The following NRXN1 variants were observed in gnomAD, a reference collection of about 807,000 sequenced individuals.
The protein encoded by NRXN1 is neurexin-1.
In NRXN1, 39 loss-of-function variants were observed where a neutral mutation model predicts 150.9. The ratio of observed to expected loss-of-function variants is 0.26; its 90% CI spans 0.20 to 0.34. The LOEUF (loss-of-function observed/expected upper bound fraction) is 0.34, where lower values mean the gene tolerates loss of function less well. Ranked by LOEUF, NRXN1 falls within the 10% of genes least tolerant of loss-of-function variation. The pLI, the probability that NRXN1 is intolerant of heterozygous loss-of-function variation, is 1.00. For synonymous variants in NRXN1, 924 were observed against 757.0 expected, an observed-to-expected ratio of 1.22 and a Z score of -3.62; for missense variants, 1,815 against 1,949.9, an observed-to-expected ratio of 0.93 and a Z score of 1.30.
intron 18 of NRXN1, among the ~76,000 whole-genome samples, chr2:50,155,456 G>A (rs10207450): frequency 0.13 from 19,418 of 150,830 alleles, 1,340 homozygotes; most frequent in East Asian, 0.18. Flanking sequence ...AAGGAGGGAC[G>A]AATTATGATA....
At chr2:50,228,222 T>C (rs1043402651) in intron 18 of NRXN1, among the ~76,000 whole-genome samples, 1 of 152,090 alleles carries the variant, frequency 6.6e-6, no homozygotes, top group African/African-American at 2.4e-5. Flanking sequence ...CATATTGAGT[T>C]AAAATATATT....
At chr2:50,448,857 C>T (rs1392803846) in intron 17 of NRXN1, among the ~76,000 whole-genome samples, 1 of 152,008 alleles carries the variant, frequency 6.6e-6, no homozygotes, top group Non-Finnish European at 1.5e-5. Flanking sequence ...GCAATTCTAA[C>T]ACTAAAATAT....
intron 5 of NRXN1, among the ~76,000 whole-genome samples, chr2:50,902,367 C>A: frequency 6.7e-6 from 1 of 150,282 alleles, no homozygotes; most frequent in South Asian, 2.1e-4. Context: ...AGAACAAAAA[C>A]AAGTTTTCTC....
chr2:50,944,553 A>T (rs1051607781), intron 2 of NRXN1, among the ~76,000 whole-genome samples: 1 of 152,206 alleles, frequency 6.6e-6, no homozygotes, highest in Non-Finnish European at 1.5e-5. Flanking sequence ...ACAGGATAAA[A>T]ATAACTTAAA....
At chr2:50,940,031 T>G (rs1038933059) in intron 2 of NRXN1, among the ~76,000 whole-genome samples, 3 of 152,238 alleles carry the variant, frequency 2.0e-5, no homozygotes, top group African/African-American at 7.2e-5. Flanking sequence ...ATACTAGTCC[T>G]GACTTTAAAT....
At chr2:50,849,751 C>T (rs1159357590) in intron 5 of NRXN1, among the ~76,000 whole-genome samples, 2 of 152,016 alleles carry the variant, frequency 1.3e-5, no homozygotes, top group Non-Finnish European at 2.9e-5. Context: ...TTTCTTAGAC[C>T]GGAATATAAG....
rs80341885 is a variant in NRXN1, at chr2:50,639,991, C to A, written c.833-16376G>T. Among the ~76,000 whole-genome samples the A allele has an allele frequency of 6.5e-3, 982 of 152,132 alleles. 4 individuals are homozygous for A. Among genetic ancestry groups the A allele is most frequent in the Non-Finnish European group, 9.7e-3 (662 of 68,014 alleles). On this transcript the variant is annotated intron_variant, in intron 5 of 22. Transcript: ENST00000401669. ...TTTGTAATAAAAATTACATTAAATA[C>A]ACATCACAATCTTGACGAGAAGTTA...
At chr2:50,423,668 C>T (rs1405603892) in intron 17 of NRXN1, among the ~76,000 whole-genome samples, 1 of 151,542 alleles carries the variant, frequency 6.6e-6, no homozygotes, top group Non-Finnish European at 1.5e-5. Context: ...GGCAGATAAC[C>T]CACCCACCAA....
chr2:50,336,025 G>A (rs75279530), intron 17 of NRXN1, among the ~76,000 whole-genome samples: 2,832 of 152,114 alleles, frequency 0.019, 100 homozygotes, highest in African/African-American at 0.065. Context: ...CAGTCCTACA[G>A]AGGCCCTATT....
chr2:50,803,171 T>C (rs1707849224), intron 5 of NRXN1, among the ~76,000 whole-genome samples: 1 of 152,214 alleles, frequency 6.6e-6, no homozygotes, highest in South Asian at 2.1e-4. Context: ...AGCACTCATT[T>C]CTGCTGATTT....
intron 17 of NRXN1, among the ~76,000 whole-genome samples, chr2:50,252,233 C>CTTT (rs55993018): frequency 2.5e-4 from 24 of 94,916 alleles, no homozygotes; most frequent in East Asian, 3.3e-4. Context: ...ACATTTTGTC[C>CTTT]TTTTTTTTTT....
intron 18 of NRXN1, among the ~76,000 whole-genome samples, chr2:50,162,019 G>T (rs1359846748): frequency 3.3e-5 from 5 of 152,102 alleles, no homozygotes; most frequent in African/African-American, 1.2e-4. Flanking sequence ...ACAAGTAAGA[G>T]AATGACTTAA....
intron 2 of NRXN1, among the ~76,000 whole-genome samples, chr2:51,013,546 C>A (rs1043643905): frequency 6.6e-6 from 1 of 150,630 alleles, no homozygotes; most frequent in African/African-American, 2.4e-5. Flanking sequence ...GAGATTTGCA[C>A]GTTAAAAGGC....
chr2:50,568,420 T>C (rs1407285084), intron 8 of NRXN1, among the ~76,000 whole-genome samples: 2 of 152,026 alleles, frequency 1.3e-5, no homozygotes, highest in Non-Finnish European at 2.9e-5. Context: ...TACCAGAACA[T>C]GCAGAAGTCC....
chr2:50,712,641 C>A (rs1040643633), intron 5 of NRXN1, among the ~76,000 whole-genome samples: 2 of 152,154 alleles, frequency 1.3e-5, no homozygotes, highest in Non-Finnish European at 2.9e-5. Flanking sequence ...TACCAAAAAT[C>A]ACAACAGGGT....
At chr2:49,998,727 G>A (rs1043684230) in intron 21 of NRXN1, among the ~76,000 whole-genome samples, 4 of 151,866 alleles carry the variant, frequency 2.6e-5, no homozygotes, top group East Asian at 1.9e-4. Context: ...ATTCTACGTC[G>A]CTGCGATACA....
At chr2:50,953,853 G>A (rs578005753) in intron 2 of NRXN1, among the ~76,000 whole-genome samples, 4 of 152,150 alleles carry the variant, frequency 2.6e-5, no homozygotes, top group African/African-American at 4.8e-5. Context: ...GAGCCACCAC[G>A]CCCATTCTCA....
intron 2 of NRXN1, among the ~76,000 whole-genome samples, chr2:50,934,526 T>C (rs914668071): frequency 4.6e-5 from 7 of 152,182 alleles, no homozygotes; most frequent in African/African-American, 1.7e-4. Context: ...CTTAGCCATG[T>C]TCCACATGCT....
intron 8 of NRXN1, among the ~76,000 whole-genome samples, chr2:50,559,382 T>C (rs758687188): frequency 1.3e-5 from 2 of 152,222 alleles, no homozygotes; most frequent in Non-Finnish European, 2.9e-5. Flanking sequence ...TTTGAAATTA[T>C]GTTTCAATTC....
Sources: gnomAD v4.1 joint callset for allele counts (sites outside exome capture counted in the v4.1 genomes callset) on GRCh38, gnomAD v4.1.1 for gene constraint, MANE v1.5 for transcripts, NCBI Gene and HGNC (gene_info 2026-07-23, HGNC 2026-07-21) for gene names.